RPS6KA5: variants seen among roughly 807,000 people sequenced by gnomAD.
The protein encoded by RPS6KA5 is ribosomal protein S6 kinase alpha-5.
Under a neutral mutation model 85.5 loss-of-function variants are expected in RPS6KA5, and 27 were observed. The ratio of observed to expected loss-of-function variants is 0.32; its 90% CI spans 0.23 to 0.44. The LOEUF is 0.44. Ranked by LOEUF, RPS6KA5 falls within the 20% of genes least tolerant of loss-of-function variation. The pLI, the probability that RPS6KA5 is intolerant of heterozygous loss-of-function variation, is 1.00. For synonymous variants in RPS6KA5, 334 were observed against 348.2 expected, an observed-to-expected ratio of 0.96 and a Z score of 0.46; for missense variants, 811 against 980.9, an observed-to-expected ratio of 0.83 and a Z score of 2.31.
At chr14:91,046,914 G>A (rs775554283) in intron 1 of RPS6KA5, among the ~76,000 whole-genome samples, 1 of 151,854 alleles carries the variant, frequency 6.6e-6, no homozygotes, top group African/African-American at 2.4e-5. Context: ...GGTGGCTTAC[G>A]CCTGTAATCG....
chr14:90,923,674 A>AG (rs1157436255), intron 5 of RPS6KA5, among the ~76,000 whole-genome samples: 2 of 152,134 alleles, frequency 1.3e-5, no homozygotes, highest in Non-Finnish European at 2.9e-5. Flanking sequence ...AAATTCTAAG[A>AG]GGGGGAATAA....
chr14:90,954,089 T>C (rs755402799), intron 3 of RPS6KA5, among the ~76,000 whole-genome samples: 15 of 152,202 alleles, frequency 9.9e-5, no homozygotes, highest in Non-Finnish European at 1.3e-4. Context: ...CGATATGTGA[T>C]GTCACCCCCA....
At chr14:90,953,819 G>C (rs544212754) in intron 3 of RPS6KA5, among the ~76,000 whole-genome samples, 1 of 152,110 alleles carries the variant, frequency 6.6e-6, no homozygotes, top group African/African-American at 2.4e-5. Flanking sequence ...TGGTCAGACC[G>C]GTTCTCTGCT....
intron 13 of RPS6KA5, among the ~76,000 whole-genome samples, chr14:90,893,180 C>T (rs569799797): frequency 6.6e-6 from 1 of 152,230 alleles, no homozygotes; most frequent in South Asian, 2.1e-4. Flanking sequence ...ATCAAGAAAA[C>T]ATTTAAGTGG....
chr14:90,947,565 C>A lies in RPS6KA5; in HGVS notation c.395-15G>T, dbSNP rs533555114. On this transcript the variant is annotated splice_polypyrimidine_tract_variant and intron_variant, in intron 3 of 16. Transcript: ENST00000614987. ...ATTTATATAATCTAAAAATGAAATA[C>A]ATTTTTCTTTCTTAAACATGCATTC... 2.8e-6 allele frequency: 4 copies of A among 1,451,808 alleles called. No homozygotes were observed. The highest frequency in any genetic ancestry group is 1.7e-5 in the Admixed American group (1 of 57,816). The allele number at this position is 1,451,808 out of a possible 1,614,324, so 89.9% of individuals were successfully genotyped here. A position where few individuals can be genotyped will look rare whatever the true frequency, so the allele number is the denominator to read the frequency against.
chr14:91,037,008 T>G (rs1432681263), intron 1 of RPS6KA5, among the ~76,000 whole-genome samples: 3 of 152,166 alleles, frequency 2.0e-5, no homozygotes, highest in Non-Finnish European at 2.9e-5. Flanking sequence ...TGACGTCAAA[T>G]GGTGCTTAAG....
chr14:90,944,961 T>TA (rs2037796398), intron 4 of RPS6KA5, among the ~76,000 whole-genome samples: 1 of 146,258 alleles, frequency 6.8e-6, no homozygotes, highest in African/African-American at 2.6e-5. Context: ...AAGAACAGAA[T>TA]AAAAAACGGA....
chr14:90,977,296 T>C (rs1566816994), intron 3 of RPS6KA5, among the ~76,000 whole-genome samples: 1 of 152,188 alleles, frequency 6.6e-6, no homozygotes, highest in Admixed American at 6.5e-5. Context: ...GGGACCAAAA[T>C]GGTAACAGAT....
At chr14:91,057,575 C>T (rs1380916828) in intron 1 of RPS6KA5, among the ~76,000 whole-genome samples, 2 of 152,086 alleles carry the variant, frequency 1.3e-5, no homozygotes, top group Non-Finnish European at 2.9e-5. Flanking sequence ...GCTGAGCAGC[C>T]GCAAAGATTA....
chr14:91,031,215 T>C (rs745497356), intron 1 of RPS6KA5, among the ~76,000 whole-genome samples: 2 of 152,184 alleles, frequency 1.3e-5, no homozygotes, highest in African/African-American at 4.8e-5. Context: ...GACAATGGGA[T>C]AATGCCTTCA....
intron 1 of RPS6KA5, chr14:91,052,411 T>A (rs181612238): frequency 5.1e-4 from 184 of 359,822 alleles, no homozygotes; most frequent in Non-Finnish European, 8.0e-4. Context: ...GAGGTTATAG[T>A]GAGCCGAGAT....
At chr14:90,884,011 T>C (rs1338777947) in intron 14 of RPS6KA5, among the ~76,000 whole-genome samples, 6 of 152,166 alleles carry the variant, frequency 3.9e-5, no homozygotes, top group African/African-American at 9.7e-5. Context: ...GGGGGACTGG[T>C]CCTTTAAGTA....
chr14:90,983,772 C>CCTTT (rs1182981103), intron 2 of RPS6KA5, among the ~76,000 whole-genome samples: 110 of 146,186 alleles, frequency 7.5e-4, no homozygotes, highest in African/African-American at 2.0e-3. Context: ...TTCTTTCTTT[C>CCTTT]CTTTCTTTCT....
chr14:90,885,352 A>T (rs2034123857), intron 14 of RPS6KA5, among the ~76,000 whole-genome samples: 1 of 151,172 alleles, frequency 6.6e-6, no homozygotes, highest in Non-Finnish European at 1.5e-5. Context: ...GGAGATCGAG[A>T]GGCATCCTGG....
chr14:91,002,931 C>T (rs112471519), intron 1 of RPS6KA5, among the ~76,000 whole-genome samples: 1 of 152,184 alleles, frequency 6.6e-6, no homozygotes, highest in East Asian at 1.9e-4. Context: ...TTCACATTGA[C>T]ATCAGTATAG....
chr14:91,013,169 A>G (rs1419688970), intron 1 of RPS6KA5, among the ~76,000 whole-genome samples: 1 of 152,140 alleles, frequency 6.6e-6, no homozygotes, highest in African/African-American at 2.4e-5. Context: ...TCCCTATTTC[A>G]TAGGTTTCAC....
At chr14:90,923,267 A>T in intron 5 of RPS6KA5, 71 bp from the exon 6 acceptor site, 1 of 1,209,634 alleles carries the variant, frequency 8.3e-7, no homozygotes, top group Non-Finnish European at 1.2e-6. Flanking sequence ...AGAAAGTAAT[A>T]CATGTTAGTG....
At chr14:90,941,695 G>A (rs534012418) in intron 5 of RPS6KA5, among the ~76,000 whole-genome samples, 2 of 152,292 alleles carry the variant, frequency 1.3e-5, no homozygotes, top group South Asian at 2.1e-4. Flanking sequence ...GATACCTGCT[G>A]TCTCCAGTTA....
Position 90,864,079 on chromosome 14 carries a change from C to A in RPS6KA5, c.*7995G>T, listed in dbSNP as rs2032696791. 6.6e-6 allele frequency: 1 copy of A among 152,218 alleles called. No individual in the cohort carries two copies. The highest frequency in any genetic ancestry group is 2.1e-4 in the South Asian group (1 of 4,834). The allele number at this position is 152,218 out of a possible 1,614,324, so 9.4% of individuals were successfully genotyped here. On this transcript the variant is annotated 3_prime_UTR_variant, in exon 17 of 17. Coordinates refer to ENST00000614987, the MANE Select transcript of RPS6KA5 (RefSeq NM_004755.4). ...ATAAACTTTGGCTACTATTTCACAT[C>A]ATATACAAATATCAGCAGTAGATGG...
Sources: allele counts gnomAD v4.1 joint callset (sites outside exome capture counted in the v4.1 genomes callset), GRCh38; gene constraint gnomAD v4.1.1; transcripts MANE v1.5; gene names NCBI Gene and HGNC (gene_info 2026-07-23, HGNC 2026-07-21).